The following TAF3 variants were observed in gnomAD, a reference collection of about 807,000 sequenced individuals.
TAF3 encodes the protein transcription initiation factor TFIID subunit 3.
A neutral mutation model predicts 80.6 loss-of-function variants in TAF3; 7 were observed. That is an observed-to-expected ratio of 0.09 (90% confidence interval 0.05 to 0.16). The LOEUF is 0.16. TAF3 is among the 10% of genes least tolerant of loss of function. The pLI, the probability that TAF3 is intolerant of heterozygous loss-of-function variation, is 1.00. For synonymous variants in TAF3, 444 were observed against 446.1 expected (o/e 1.00, Z 0.06); for missense variants, 921 against 1,140.2 (o/e 0.81, Z 2.77).
At chr10:7,983,130 A>G (rs1454711681) in intron 4 of TAF3, among the ~76,000 whole-genome samples, 1 of 152,172 alleles carries the variant, frequency 6.6e-6, no homozygotes, top group Admixed American at 6.5e-5. Flanking sequence ...CTGCGGTGGC[A>G]GAGGTGGTCC....
intron 4 of TAF3, among the ~76,000 whole-genome samples, chr10:8,007,766 C>G (rs73618922): frequency 0.011 from 1,616 of 151,866 alleles, 27 homozygotes; most frequent in African/African-American, 0.038. Flanking sequence ...TTGATGTTCT[C>G]ATAAGGACTG....
At chr10:8,005,322 A>G (rs1390593705) in intron 4 of TAF3, among the ~76,000 whole-genome samples, 1 of 152,138 alleles carries the variant, frequency 6.6e-6, no homozygotes, top group African/African-American at 2.4e-5. Context: ...TATTTTTTTT[A>G]AAGATAATTA....
chr10:7,859,345 A>G (rs1156690091), intron 2 of TAF3, among the ~76,000 whole-genome samples: 1 of 152,188 alleles, frequency 6.6e-6, no homozygotes, highest in Admixed American at 6.5e-5. Flanking sequence ...TCTTCTACAT[A>G]TACACATCCT....
chr10:7,976,834 T>G (rs1831678377), intron 3 of TAF3, among the ~76,000 whole-genome samples: 1 of 152,226 alleles, frequency 6.6e-6, no homozygotes, highest in African/African-American at 2.4e-5. Context: ...AGTTTAATGT[T>G]TGTCAAGTTC....
At chr10:7,900,428 G>A (rs560961671) in intron 2 of TAF3, among the ~76,000 whole-genome samples, 11 of 152,272 alleles carry the variant, frequency 7.2e-5, no homozygotes, top group African/African-American at 2.6e-4. Context: ...GATAAAATGG[G>A]TGACAGCTTT....
intron 4 of TAF3, among the ~76,000 whole-genome samples, chr10:8,004,123 C>A (rs1831970605): frequency 6.6e-6 from 1 of 151,756 alleles, no homozygotes; most frequent in Non-Finnish European, 1.5e-5. Context: ...TGATCACGGC[C>A]CACTGCAACC....
intron 2 of TAF3, among the ~76,000 whole-genome samples, chr10:7,878,962 A>G (rs1837335112): frequency 6.6e-6 from 1 of 152,112 alleles, no homozygotes; most frequent in Non-Finnish European, 1.5e-5. Flanking sequence ...TCCTGACCTC[A>G]AGCAATCCGC....
At position 7,977,879 on chromosome 10, in the gene TAF3, T is replaced by G. The variant is rs144737917; in HGVS notation, c.2315+556T>G. The stretch of plus-strand genomic sequence containing the variant: ...AAATGCAAACCCCACGTTTGCTGTT[T>G]ATTTGTCTTAATTTTCATGGAATCA... On this transcript the variant is annotated intron_variant, in intron 4 of 6. Coordinates refer to ENST00000344293, the MANE Select transcript of TAF3 (RefSeq NM_031923.4). 8.2e-4 allele frequency among the ~76,000 whole-genome samples: 125 copies of G among 152,334 alleles called. 1 individual carries two copies. The East Asian group carries it at 0.023, about 28-fold the overall frequency.
chr10:7,989,370 C>T (rs193151252), intron 4 of TAF3, among the ~76,000 whole-genome samples: 120 of 152,222 alleles, frequency 7.9e-4, no homozygotes, highest in African/African-American at 2.7e-3. Flanking sequence ...CAGCAGATGC[C>T]CTGAGCCTAG....
At position 7,818,658 on chromosome 10, in the gene TAF3, C is replaced by A; in HGVS notation, c.-52C>A. 6.4e-7 allele frequency: 1 copy of A among 1,572,690 alleles called. No individual in the cohort carries two copies. The highest frequency in any genetic ancestry group is 1.7e-4 in the Middle Eastern group (1 of 5,778). On this transcript the variant is annotated 5_prime_UTR_variant, in exon 1 of 7. Transcript: ENST00000344293. ...CGGGGACCCTGCTAAGGTCTGGCGG[C>A]GGGGCTGGAGAGCAGTGGCAGCAAG... is the stretch of plus-strand genomic sequence containing the variant.
intron 2 of TAF3, among the ~76,000 whole-genome samples, chr10:7,927,884 C>T (rs900942738): frequency 2.0e-5 from 3 of 152,210 alleles, no homozygotes; most frequent in South Asian, 2.1e-4. Flanking sequence ...GCAGAAATAA[C>T]GGGCTATGTT....
intron 2 of TAF3, among the ~76,000 whole-genome samples, chr10:7,928,357 T>G (rs1056426660): frequency 5.9e-5 from 9 of 152,220 alleles, no homozygotes; most frequent in Non-Finnish European, 1.3e-4. Context: ...ATAGCGGAAT[T>G]ACCTTAATCC....
At chr10:7,947,756 G>A (rs1838039819) in intron 2 of TAF3, among the ~76,000 whole-genome samples, 1 of 152,176 alleles carries the variant, frequency 6.6e-6, no homozygotes, top group Non-Finnish European at 1.5e-5. Flanking sequence ...ATGGCAAGGA[G>A]CTGGGGCTTT....
At chr10:7,934,308 G>GT (rs1200887980) in intron 2 of TAF3, among the ~76,000 whole-genome samples, 1 of 152,138 alleles carries the variant, frequency 6.6e-6, no homozygotes, top group African/African-American at 2.4e-5. Context: ...ATTGGCAGGA[G>GT]TTTTTTCGTT....
intron 2 of TAF3, among the ~76,000 whole-genome samples, chr10:7,868,531 T>C (rs746755631): frequency 7.2e-5 from 11 of 152,328 alleles, no homozygotes; most frequent in Middle Eastern, 6.8e-3. Flanking sequence ...CAGTGTGACA[T>C]AGTGGCTAAT....
At chr10:7,938,397 T>A (rs1292818062) in intron 2 of TAF3, among the ~76,000 whole-genome samples, 1 of 152,164 alleles carries the variant, frequency 6.6e-6, no homozygotes, top group Non-Finnish European at 1.5e-5. Flanking sequence ...GGGCCTCGCC[T>A]AAGGTAGCCA....
intron 2 of TAF3, among the ~76,000 whole-genome samples, chr10:7,923,093 A>G (rs1837780126): frequency 6.6e-6 from 1 of 152,098 alleles, no homozygotes; most frequent in African/African-American, 2.4e-5. Context: ...AAAAGTCATT[A>G]AATATAAGCA....
At chr10:7,857,561 T>G (rs912226278) in intron 2 of TAF3, among the ~76,000 whole-genome samples, 3 of 152,358 alleles carry the variant, frequency 2.0e-5, no homozygotes, top group Non-Finnish European at 2.9e-5. Context: ...AAGCCTCTAC[T>G]CAGACTTGTT....
intron 2 of TAF3, among the ~76,000 whole-genome samples, chr10:7,838,082 G>C (rs77174042): frequency 0.01 from 1,597 of 152,306 alleles, 24 homozygotes; most frequent in African/African-American, 0.037. Flanking sequence ...TTTATGGAAG[G>C]AGAAATGGAA....
Sources: gnomAD v4.1 joint callset for allele counts (sites outside exome capture counted in the v4.1 genomes callset) on GRCh38, gnomAD v4.1.1 for gene constraint, MANE v1.5 for transcripts, NCBI Gene and HGNC (gene_info 2026-07-23, HGNC 2026-07-21) for gene names.